The following CDHR2 variants were observed in gnomAD, a reference collection of about 807,000 sequenced individuals.
The protein encoded by CDHR2 is cadherin related family member 2.
A neutral mutation model predicts 138.6 loss-of-function variants in CDHR2; 104 were observed. The observed-to-expected ratio is 0.75, with a 90% confidence interval of 0.64 to 0.88. The LOEUF (loss-of-function observed/expected upper bound fraction) is 0.88, where lower values mean the gene tolerates loss of function less well. Ranked by LOEUF, CDHR2 falls within the 40% of genes least tolerant of loss-of-function variation. The probability of loss-of-function intolerance (pLI) is 0.00; values close to 1 mark genes in which losing one functional copy is unlikely to be tolerated. For missense variants in CDHR2, 1,624 were observed against 1,727.6 expected (o/e 0.94, Z 1.06); for synonymous variants, 755 against 742.8 (o/e 1.02, Z -0.27).
chr5:176,542,599 A>G (rs551657622), exon 1 of CDHR2: 2 of 151,956 alleles, frequency 1.3e-5, no homozygotes, highest in South Asian at 4.2e-4. Flanking sequence ...AGACAAGTCT[A>G]CCCGAATCCC....
chr5:176,583,185 AT>A (rs1220324402), intron 17 of CDHR2, among the ~76,000 whole-genome samples: 1 of 152,204 alleles, frequency 6.6e-6, no homozygotes, highest in Non-Finnish European at 1.5e-5. Context: ...CGTCCTCACA[AT>A]TGCCCTATTA....
Position 176,571,245 on chromosome 5 carries a change from T to C in CDHR2, c.348T>C (p.Asp116=), listed in dbSNP as rs17078320. Residue 116 remains aspartate, a synonymous_variant, in exon 6 of 32, where the codon GAT becomes GAC. Transcript: ENST00000261944. The stretch of plus-strand genomic sequence containing the variant: ...GGGAGATGCTGGTGATTGTGGAAGA[T>C]AGAAACGACAACGCACCCGTTTTCC... The part of the protein sequence containing the change: ...VQREMLVIVE[D]RNDNAPVFQN... 0.22 allele frequency: 359,233 copies of C among 1,610,984 alleles called. 43,238 individuals are homozygous for C. The highest frequency in any genetic ancestry group is 0.48 in the East Asian group (21,681 of 44,748).
rs540728460 is a variant in CDHR2, at chr5:176,555,779, C to T, written c.-16+6365C>T. ...AAAATTAGCTAGGTGTGGTGGCTCA[C>T]GCCTGTAATCCTTCGGGAGGCTGAG... On this transcript the variant is annotated intron_variant, in intron 1 of 31. Transcript: ENST00000261944. Among the ~76,000 whole-genome samples, 11 of 85,080 alleles carry T rather than the reference C, an allele frequency of 1.3e-4. No individual in the cohort carries two copies. In the South Asian group the frequency reaches 2.3e-3, roughly 18 times the overall value. The allele number at this position is 85,080 out of a possible 152,430, so 55.8% of individuals were successfully genotyped here. A position where few individuals can be genotyped will look rare whatever the true frequency, so the allele number is the denominator to read the frequency against.
Position 176,568,989 on chromosome 5 carries a change from C to T in CDHR2, c.294C>T (p.Ser98=), listed in dbSNP as rs780760064. 61 of 1,614,022 alleles carry T rather than the reference C, an allele frequency of 3.8e-5. No homozygotes were observed. The highest frequency in any genetic ancestry group is 4.7e-5 in the Non-Finnish European group (56 of 1,180,020). ...ETLYTFKVTI[S]VSDPYIQVQR... is the part of the protein sequence containing the mutation. ...TCTACACATTCAAAGTCACCATCTC[C>T]GTGAGCGACCCCTACATCCAGGTGA... is the stretch of plus-strand genomic sequence containing the variant. Residue 98 remains serine (S), a synonymous_variant, in exon 5 of 32, where the codon TCC becomes TCT. Transcript: ENST00000261944.
At chr5:176,556,938 C>T (rs1209900979) in intron 1 of CDHR2, 1 of 151,988 alleles carries the variant, frequency 6.6e-6, no homozygotes, top group Non-Finnish European at 1.5e-5. Context: ...GCCTCCTCCC[C>T]TCCCTCCCCT....
At chr5:176,551,210 C>T (rs1475781021) in intron 1 of CDHR2, among the ~76,000 whole-genome samples, 1 of 152,114 alleles carries the variant, frequency 6.6e-6, no homozygotes, top group Non-Finnish European at 1.5e-5. Context: ...GCTTGTCGCC[C>T]AGGCTCCAGT....
At chr5:176,548,938 T>C (rs1441518423), upstream of CDHR2, among the ~76,000 whole-genome samples, 1 of 152,204 alleles carries the variant, frequency 6.6e-6, no homozygotes, top group African/African-American at 2.4e-5. Context: ...ACACAGTGTT[T>C]GATTGTTACA....
Position 176,584,482 on chromosome 5 carries a change from T to G in CDHR2, c.2201T>G (p.Leu734Arg). The G allele has an allele frequency of 6.2e-7, 1 of 1,612,518 alleles. No homozygotes were observed. Among genetic ancestry groups the G allele is most frequent in the Middle Eastern group, 1.7e-4 (1 of 6,050 alleles). ...GCCAACAACCGCATCAGCTTCAGCC[T>G]GTCGGGGAGTGGTGCCAACTACTTC... ...TEANNRISFS[L>R]SGSGANYFMI... The change falls in exon 19 of 32, where the codon CTG (leucine) becomes CGG (arginine). Residue 734 changes from leucine (L) to arginine (R), a missense_variant. Around this residue, in one of 3 missense-constraint regions of CDHR2, gnomAD observed 1,061 missense variants for 1,136.6 expected, o/e 0.93. Coordinates refer to ENST00000261944, the MANE Select transcript of CDHR2 (RefSeq NM_017675.6).
intron 31 of CDHR2, among the ~76,000 whole-genome samples, chr5:176,593,837 C>T (rs3828574): frequency 0.35 from 52,568 of 152,054 alleles, 10,381 homozygotes; most frequent in Non-Finnish European, 0.44. Context: ...CCAGGTATAA[C>T]ACGGTACAGG....
At chr5:176,560,797 C>T (rs893535647) in intron 1 of CDHR2, among the ~76,000 whole-genome samples, 1 of 152,214 alleles carries the variant, frequency 6.6e-6, no homozygotes, top group African/African-American at 2.4e-5. Flanking sequence ...GCTCAGGAAA[C>T]GCCAGCAGCT....
At chr5:176,593,255 A>C (rs1458370520) in intron 31 of CDHR2, among the ~76,000 whole-genome samples, 2 of 152,280 alleles carry the variant, frequency 1.3e-5, no homozygotes, top group East Asian at 3.9e-4. Flanking sequence ...AGTTGGTTGG[A>C]TGAGATCAAG....
Position 176,578,517 on chromosome 5 carries a change from T to A in CDHR2, c.1727T>A (p.Leu576Gln), listed in dbSNP as rs780323704. The change falls in exon 16 of 32, where the codon CTG (leucine) becomes CAG (glutamine). Residue 576 changes from leucine to glutamine, a missense_variant. Transcript: ENST00000261944. ...TCCTCCACCACACTGCAGATCCACC[T>A]GCTGGACATCAACGACAATGCACCC... Reference protein sequence around the residue: ...LSSSTTLQIHLLDINDNAPVV... With the variant: ...LSSSTTLQIHQLDINDNAPVV... 1 of 1,614,196 alleles carries A rather than the reference T, an allele frequency of 6.2e-7. No individual in the cohort carries two copies. The highest frequency in any genetic ancestry group is 8.5e-7 in the Non-Finnish European group (1 of 1,180,042).
intron 7 of CDHR2, among the ~76,000 whole-genome samples, chr5:176,574,500 C>G (rs1014597772): frequency 3.3e-5 from 5 of 152,212 alleles, no homozygotes; most frequent in African/African-American, 7.2e-5. Context: ...TACCGAGCAC[C>G]AACCACGTGC....
chr5:176,592,895 C>G, intron 31 of CDHR2, 115 bp downstream of exon 31: 1 of 884,586 alleles, frequency 1.1e-6, no homozygotes. Flanking sequence ...CTTCTCTGCA[C>G]CAGGCCCCAG....
In CDHR2 at chr5:176,557,710, C is replaced by CT. The variant is rs869148680; in HGVS notation, c.-15-7618dup. 9.7e-5 allele frequency among the ~76,000 whole-genome samples: 8 copies of CT among 82,784 alleles called. 1 individual carries two copies. Among genetic ancestry groups the CT allele is most frequent in the African/African-American group, 3.0e-4 (7 of 23,460 alleles). 54.3% of individuals were successfully genotyped at this position (82,784 alleles called of 152,430 possible). A position where few individuals can be genotyped will look rare whatever the true frequency, so the allele number is the denominator to read the frequency against. ...TTTTTCTTTCTTTCTTTCTTTCTTT[C>CT]TTTTTTTTTTATTTTGAAATGGAGT... On this transcript the variant is annotated intron_variant, in intron 1 of 31. Coordinates refer to ENST00000261944, the MANE Select transcript of CDHR2 (RefSeq NM_017675.6).
rs751646274 is a variant in CDHR2 at position 176,576,104 on chromosome 5, C to T, written c.1113C>T (p.Asn371=). 2.5e-6 allele frequency: 4 copies of T among 1,614,180 alleles called. No homozygotes were observed. Among genetic ancestry groups the T allele is most frequent in the Non-Finnish European group, 3.4e-6 (4 of 1,180,026 alleles). The change falls in exon 12 of 32, where the codon AAC becomes AAT. Residue 371 remains asparagine, a synonymous_variant. Transcript: ENST00000261944. The surrounding 1 kb of genome is among the most constrained non-coding windows in gnomAD (Gnocchi z 4.5). The stretch of plus-strand genomic sequence containing the variant: ...TCACCCCCGAAGAGGCCCAAGTGAA[C>T]TTCACTGGCTACGTGGACGAGCATG... ...CTFTPEEAQV[N]FTGYVDEHAS...
intron 20 of CDHR2, 61 bp downstream of exon 20, chr5:176,586,086 C>T (rs1758657152): frequency 1.5e-6 from 2 of 1,338,656 alleles, no homozygotes; most frequent in East Asian, 4.6e-5. Context: ...TTTGAGCAAC[C>T]CCGACAGACC....
chr5:176,595,845 A>C, downstream of CDHR2: 1 of 618,212 alleles, frequency 1.6e-6, no homozygotes. Context: ...GACAGTTTGT[A>C]GCCAAAAACT....
intron 1 of CDHR2, among the ~76,000 whole-genome samples, chr5:176,557,951 C>T (rs1352586616): frequency 6.6e-6 from 1 of 151,978 alleles, no homozygotes; most frequent in Non-Finnish European, 1.5e-5. Flanking sequence ...CGTGATCCAC[C>T]CGCCTTGGCC....
Sources: gnomAD v4.1 joint callset for allele counts (sites outside exome capture counted in the v4.1 genomes callset) on GRCh38, gnomAD v4.1.1 for gene constraint, gnomAD v4.1.1 regional missense constraint, Gnocchi (gnomAD v3.1) non-coding constraint, MANE v1.5 for transcripts, NCBI Gene and HGNC (gene_info 2026-07-23, HGNC 2026-07-21) for gene names.